ATAD2B: variants seen among roughly 807,000 people sequenced by gnomAD.
ATAD2B encodes ATPase family AAA domain containing 2B.
Under a neutral mutation model 167.6 loss-of-function variants are expected in ATAD2B, and 40 were observed. The observed-to-expected ratio is 0.24, with a 90% CI of 0.19 to 0.31. The LOEUF (loss-of-function observed/expected upper bound fraction) is 0.31, where lower values mean the gene tolerates loss of function less well. ATAD2B is among the 10% of genes least tolerant of loss of function. The probability of loss-of-function intolerance (pLI) is 1.00; values close to 1 mark genes in which losing one functional copy is unlikely to be tolerated. For synonymous variants in ATAD2B, 579 were observed against 596.5 expected (o/e 0.97, Z 0.43); for missense variants, 1,242 against 1,757.2 (o/e 0.71, Z 5.24).
chr2:23,752,192 C>T (rs950599324), intron 27 of ATAD2B, 105 bp from the exon 28 acceptor site: 3 of 802,754 alleles, frequency 3.7e-6, no homozygotes, highest in Non-Finnish European at 6.2e-6. Context: ...ATTTGAGATA[C>T]AGGTTAAACT....
At chr2:23,849,363 T>C (rs1264029527) in intron 13 of ATAD2B, among the ~76,000 whole-genome samples, 1 of 152,200 alleles carries the variant, frequency 6.6e-6, no homozygotes, top group East Asian at 1.9e-4. Context: ...CATTTCATAA[T>C]ATAAGAAAGC....
intron 2 of ATAD2B, among the ~76,000 whole-genome samples, chr2:23,890,450 T>G (rs1047337134): frequency 4.6e-5 from 7 of 152,148 alleles, no homozygotes; most frequent in African/African-American, 1.7e-4. Context: ...GACTATAAAG[T>G]AACTAAATGG....
At chr2:23,694,981 A>G in the ATAD2B span, among the ~76,000 whole-genome samples, 3 of 152,098 alleles carry the variant, frequency 2.0e-5, no homozygotes, top group Admixed American at 2.0e-4. Context: ...TGCCTGGCCT[A>G]TGGTGGTCTC....
At chr2:23,704,062 C>A in the ATAD2B span, among the ~76,000 whole-genome samples, 73,456 of 152,056 alleles carry the variant, frequency 0.48, 18,508 homozygotes, top group East Asian at 0.79. Flanking sequence ...TCCAGGAGCC[C>A]AACCCCGGGG....
In ATAD2B at chr2:23,750,761, A is replaced by G. The variant is rs897577652; in HGVS notation, c.*1285T>C. On this transcript the variant is annotated 3_prime_UTR_variant, in exon 28 of 28. Transcript: ENST00000238789. ...GCAACTGCCTAGACTGTGTCTCCAA[A>G]TTTGTAGAAAGTTTTTGTAAAACTA... 5 of 152,178 alleles carry G rather than the reference A, an allele frequency of 3.3e-5. No individual in the cohort carries two copies. The highest frequency in any genetic ancestry group is 7.4e-5 in the Non-Finnish European group (5 of 68,010). 9.4% of individuals were successfully genotyped at this position (152,178 alleles called of 1,614,324 possible).
At chr2:23,805,010 G>T (rs1450435295) in intron 18 of ATAD2B, among the ~76,000 whole-genome samples, 1 of 151,788 alleles carries the variant, frequency 6.6e-6, no homozygotes, top group East Asian at 1.9e-4. Flanking sequence ...GGGCGTGGTG[G>T]TGGGCGCCTA....
At chr2:23,754,067 T>G in intron 27 of ATAD2B, 112 bp downstream of exon 27, 1 of 831,056 alleles carries the variant, frequency 1.2e-6, no homozygotes, top group Non-Finnish European at 1.7e-6. Flanking sequence ...AAAACATTCT[T>G]CAGCTACTTG....
chr2:23,857,283 G>T, intron 13 of ATAD2B, 132 bp downstream of exon 13: 1 of 521,722 alleles, frequency 1.9e-6, no homozygotes, highest in Non-Finnish European at 3.4e-6. Context: ...CTAAGAGAAA[G>T]AAGTAGTCCT....
rs370103250 is a variant in ATAD2B at position 23,810,408 on chromosome 2, A to C, written c.2362T>G (p.Leu788Val). The change falls in exon 18 of 28, where the codon TTG (leucine) becomes GTG (valine). Residue 788 changes from leucine to valine, a missense_variant. By Grantham distance (32) the Leu-to-Val change is conservative (BLOSUM62 1). Coordinates refer to ENST00000238789, the MANE Select transcript of ATAD2B (RefSeq NM_017552.4). ...ACAGAGAATCTTTCTAGAGTGTGCA[A>C]AAGTGCTGGAGCAAGGTGAGAAGTT... The part of the protein sequence containing the change: ...GQTSHLAPAL[L>V]HTLERFSVHR... The C allele has an allele frequency of 6.2e-7, 1 of 1,613,908 alleles. No individual in the cohort carries two copies. Among genetic ancestry groups the C allele is most frequent in the Non-Finnish European group, 8.5e-7 (1 of 1,179,820 alleles).
chr2:23,779,444 G>A (rs1028202307), intron 22 of ATAD2B, among the ~76,000 whole-genome samples: 1 of 151,714 alleles, frequency 6.6e-6, no homozygotes, highest in Admixed American at 6.6e-5. Context: ...CAAAGTGCTG[G>A]GATTACAGGC....
At chr2:23,860,088 T>C (rs947012224) in intron 12 of ATAD2B, among the ~76,000 whole-genome samples, 5 of 152,202 alleles carry the variant, frequency 3.3e-5, no homozygotes, top group African/African-American at 1.2e-4. Context: ...TTTATTATTG[T>C]GATAGTGGGT....
the ATAD2B span, among the ~76,000 whole-genome samples, chr2:23,705,156 G>A: frequency 2.0e-5 from 3 of 152,236 alleles, no homozygotes; most frequent in Non-Finnish European, 2.9e-5. Context: ...GGAGCATTGC[G>A]CTCCACTTGG....
chr2:23,687,906 A>G, the ATAD2B span, among the ~76,000 whole-genome samples: 2 of 151,766 alleles, frequency 1.3e-5, no homozygotes, highest in South Asian at 4.2e-4. Flanking sequence ...TAAAGATGAC[A>G]GTCAGACCAT....
chr2:23,919,650 C>T lies in ATAD2B; in HGVS notation c.216+6905G>A, dbSNP rs545936738. On this transcript the variant is annotated intron_variant, in intron 1 of 27. Coordinates refer to ENST00000238789, the MANE Select transcript of ATAD2B (RefSeq NM_017552.4). ...CTAAGGTCAGGAGTTCCAGACCAGC[C>T]TGTTCAACACAGTGAAACCCCATCT... Among the ~76,000 whole-genome samples the T allele has an allele frequency of 6.4e-4, 97 of 151,942 alleles. 1 individual carries two copies. Among genetic ancestry groups the T allele is most frequent in the African/African-American group, 2.3e-3 (96 of 41,432 alleles).
At chr2:23,706,811 T>C in the ATAD2B span, 7 of 578,570 alleles carry the variant, frequency 1.2e-5, no homozygotes, top group Admixed American at 1.1e-4. Context: ...ATTCTCTACA[T>C]TGAATGTAGA....
chr2:23,906,129 GA>G (rs1372111115), intron 1 of ATAD2B, among the ~76,000 whole-genome samples: 12 of 152,076 alleles, frequency 7.9e-5, no homozygotes, highest in Non-Finnish European at 1.8e-4. Context: ...TTGAGGTCAG[GA>G]GTTCAAGACT....
In ATAD2B at chr2:23,880,673, T is replaced by C. The variant is rs536840346; in HGVS notation, c.867A>G (p.Arg289=). 29 of 1,608,794 alleles carry C rather than the reference T, an allele frequency of 1.8e-5. No individual in the cohort carries two copies. In the South Asian group the frequency reaches 2.6e-4, roughly 14 times the overall value. The change falls in exon 7 of 28, where the codon AGA becomes AGG. Residue 289 remains arginine (R), a synonymous_variant. Coordinates refer to ENST00000238789, the MANE Select transcript of ATAD2B (RefSeq NM_017552.4). Reference sequence around the variant, plus strand: ...GTGCTTGGTATCGATCCACTGTTTTTCTCTGTCTCAAATTATATGGTCTAT... The same window carrying C: ...GTGCTTGGTATCGATCCACTGTTTTCCTCTGTCTCAAATTATATGGTCTAT... ...ENDRPYNLRQ[R]KTVDRYQAPP... is the part of the protein sequence containing the mutation.
intron 19 of ATAD2B, among the ~76,000 whole-genome samples, chr2:23,790,044 T>A (rs1681413338): frequency 6.6e-6 from 1 of 152,176 alleles, no homozygotes; most frequent in Non-Finnish European, 1.5e-5. Flanking sequence ...CTTGTGTCGT[T>A]CCAGTGCTTT....
At chr2:23,687,828 C>T in the ATAD2B span, among the ~76,000 whole-genome samples, 4 of 152,078 alleles carry the variant, frequency 2.6e-5, no homozygotes, top group African/African-American at 7.2e-5. Flanking sequence ...TTGCAGGGGA[C>T]GCGGCTGGAG....
Sources: gnomAD v4.1 joint callset for allele counts (sites outside exome capture counted in the v4.1 genomes callset) on GRCh38, gnomAD v4.1.1 for gene constraint, MANE v1.5 for transcripts, NCBI Gene and HGNC (gene_info 2026-07-23, HGNC 2026-07-21) for gene names.